Variants in GPC6 observed in about 807,000 individuals in gnomAD.
GPC6 encodes the protein glypican 6.
A neutral mutation model predicts 55.2 loss-of-function variants in GPC6; 14 were observed. The ratio of observed to expected loss-of-function variants is 0.25; its 90% CI spans 0.17 to 0.40. The LOEUF (loss-of-function observed/expected upper bound fraction) is 0.40. Ranked by LOEUF, GPC6 falls within the 10% of genes least tolerant of loss-of-function variation. The probability of loss-of-function intolerance (pLI) is 1.00; values close to 1 mark genes in which losing one functional copy is unlikely to be tolerated. For missense variants in GPC6, 641 were observed against 708.5 expected, an observed-to-expected ratio of 0.90 and a Z score of 1.08; for synonymous variants, 278 against 259.6, an observed-to-expected ratio of 1.07 and a Z score of -0.68.
intron 2 of GPC6, among the ~76,000 whole-genome samples, chr13:93,605,352 T>C (rs531212980): frequency 5.9e-5 from 9 of 152,340 alleles, no homozygotes; most frequent in Admixed American, 2.0e-4. Flanking sequence ...GCATCATTTT[T>C]CCTTATATCT....
At chr13:93,636,166 G>C (rs915332550) in intron 2 of GPC6, among the ~76,000 whole-genome samples, 3 of 152,164 alleles carry the variant, frequency 2.0e-5, no homozygotes, top group Admixed American at 2.0e-4. Context: ...AAATGCTGGA[G>C]TTTGTTTATA....
chr13:94,337,565 A>G (rs1382069016), intron 6 of GPC6, among the ~76,000 whole-genome samples: 1 of 151,316 alleles, frequency 6.6e-6, no homozygotes, highest in Non-Finnish European at 1.5e-5. Context: ...CTCCTGCCTC[A>G]GCCTCCCAAG....
chr13:93,217,103 C>T, the GPC6 span, among the ~76,000 whole-genome samples: 1 of 152,074 alleles, frequency 6.6e-6, no homozygotes, highest in Non-Finnish European at 1.5e-5. Flanking sequence ...ATGAATATTT[C>T]AATTCAATGT....
chr13:94,309,395 T>A (rs927118720), intron 6 of GPC6, among the ~76,000 whole-genome samples: 1 of 152,202 alleles, frequency 6.6e-6, no homozygotes, highest in Non-Finnish European at 1.5e-5. Context: ...CGTTATGGGG[T>A]TTGTTTTAAA....
intron 1 of GPC6, among the ~76,000 whole-genome samples, chr13:93,311,897 G>A (rs143159213): frequency 7.4e-4 from 112 of 152,232 alleles, no homozygotes; most frequent in Non-Finnish European, 1.3e-3. Flanking sequence ...AAGGCAAGAT[G>A]GGTCTTTGGG....
chr13:94,368,903 T>G, intron 6 of GPC6, among the ~76,000 whole-genome samples: 1 of 152,180 alleles, frequency 6.6e-6, no homozygotes, highest in East Asian at 1.9e-4. Flanking sequence ...AAAACTGGAT[T>G]ATATTAAATT....
chr13:93,624,979 A>G (rs1879142114), intron 2 of GPC6, among the ~76,000 whole-genome samples: 1 of 152,188 alleles, frequency 6.6e-6, no homozygotes, highest in African/African-American at 2.4e-5. Context: ...TTTCTGGCAA[A>G]TTGTTTTCTA....
At chr13:94,107,192 C>G (rs1481879857) in intron 4 of GPC6, among the ~76,000 whole-genome samples, 2 of 152,098 alleles carry the variant, frequency 1.3e-5, no homozygotes, top group Non-Finnish European at 2.9e-5. Context: ...GAAAATATTG[C>G]AGAGGGCAAA....
intron 2 of GPC6, among the ~76,000 whole-genome samples, chr13:93,651,659 A>G (rs1283684815): frequency 1.3e-5 from 2 of 152,118 alleles, no homozygotes; most frequent in East Asian, 3.9e-4. Flanking sequence ...AAGGGACACA[A>G]TGCAGACCAG....
chr13:93,995,239 G>C lies in GPC6; in HGVS notation c.712-32490G>C, dbSNP rs142209258. Among the ~76,000 whole-genome samples the C allele has an allele frequency of 6.6e-3, 1,005 of 151,324 alleles. 32 individuals are homozygous for C. The highest frequency in any genetic ancestry group is 0.05 in the Admixed American group (758 of 15,210). ...GTCTCGCTGTGTCGCCCAGGCTGGAGTGCAGTGGCACAACCTCAGCTCAGT... is the reference window on the plus strand; with the variant it reads ...GTCTCGCTGTGTCGCCCAGGCTGGACTGCAGTGGCACAACCTCAGCTCAGT... On this transcript the variant is annotated intron_variant, in intron 3 of 8. Transcript: ENST00000377047.
At chr13:93,543,063 T>TGAATAGGAGTGTGAGA (rs1461923784) in intron 1 of GPC6, among the ~76,000 whole-genome samples, 30 of 152,234 alleles carry the variant, frequency 2.0e-4, no homozygotes, top group African/African-American at 7.2e-4. Flanking sequence ...GACACTATGT[T>TGAATAGGAGTGTGAGA]GAATAGGAGT....
chr13:94,006,263 G>A (rs187917906), intron 3 of GPC6, among the ~76,000 whole-genome samples: 9 of 152,264 alleles, frequency 5.9e-5, no homozygotes, highest in Admixed American at 2.6e-4. Flanking sequence ...AAATCCTGAA[G>A]GAGCTGAGGA....
Position 93,692,002 on chromosome 13 carries a change from C to T in GPC6, c.320-138152C>T, listed in dbSNP as rs148737312. Among the ~76,000 whole-genome samples the T allele has an allele frequency of 2.0e-3, 308 of 152,088 alleles. 2 individuals are homozygous for T. The highest frequency in any genetic ancestry group is 6.9e-3 in the African/African-American group (288 of 41,546). ...ACTTATATACAATGGTTATTTGCATCATTGAATTGCCATTTATGTAAAATG... is the reference window on the plus strand; with the variant it reads ...ACTTATATACAATGGTTATTTGCATTATTGAATTGCCATTTATGTAAAATG... On this transcript the variant is annotated intron_variant, in intron 2 of 8. Coordinates refer to ENST00000377047, the MANE Select transcript of GPC6 (RefSeq NM_005708.5).
chr13:93,515,451 T>A (rs991960793), intron 1 of GPC6, among the ~76,000 whole-genome samples: 1 of 152,216 alleles, frequency 6.6e-6, no homozygotes, highest in African/African-American at 2.4e-5. Context: ...TTAATAGATG[T>A]CTATTCAGCA....
intron 6 of GPC6, among the ~76,000 whole-genome samples, chr13:94,351,730 C>T (rs914851067): frequency 3.3e-5 from 5 of 151,816 alleles, no homozygotes; most frequent in African/African-American, 7.3e-5. Flanking sequence ...CCTTCTGTCT[C>T]GGATTTAAAC....
At chr13:94,199,930 G>T (rs1162406544) in intron 4 of GPC6, among the ~76,000 whole-genome samples, 10 of 152,102 alleles carry the variant, frequency 6.6e-5, no homozygotes, top group Non-Finnish European at 1.5e-5. Context: ...GCCAGGGCAG[G>T]TGGCTCACCT....
intron 4 of GPC6, among the ~76,000 whole-genome samples, chr13:94,170,042 T>G (rs1048926388): frequency 1.3e-5 from 2 of 152,156 alleles, no homozygotes; most frequent in Non-Finnish European, 2.9e-5. Context: ...AGAGCTTTCC[T>G]TTGGCACTGC....
chr13:93,816,827 A>G (rs1886870064), intron 2 of GPC6, among the ~76,000 whole-genome samples: 1 of 152,092 alleles, frequency 6.6e-6, no homozygotes, highest in African/African-American at 2.4e-5. Flanking sequence ...TACAAAACTG[A>G]GATTGTACTG....
At chr13:94,294,239 C>A (rs1055126626) in intron 5 of GPC6, among the ~76,000 whole-genome samples, 1 of 151,998 alleles carries the variant, frequency 6.6e-6, no homozygotes, top group Admixed American at 6.6e-5. Flanking sequence ...AATTTCAAAC[C>A]TAATATCTAG....
Sources: gnomAD v4.1 joint callset for allele counts (sites outside exome capture counted in the v4.1 genomes callset) on GRCh38, gnomAD v4.1.1 for gene constraint, MANE v1.5 for transcripts, NCBI Gene and HGNC (gene_info 2026-07-23, HGNC 2026-07-21) for gene names.